TBC1D12: variants seen among roughly 807,000 people sequenced by gnomAD.
TBC1D12 encodes TBC1 domain family, member 12.
Under a neutral mutation model 86.7 loss-of-function variants are expected in TBC1D12, and 56 were observed. The ratio of observed to expected loss-of-function variants is 0.65; its 90% CI spans 0.52 to 0.81. TBC1D12 has a LOEUF of 0.81. Among genes scored for constraint, TBC1D12 ranks in the 30% least tolerant of loss-of-function variants. TBC1D12 has a pLI of 0.00. For missense variants in TBC1D12, 1,023 were observed against 1,038.8 expected (o/e 0.98, Z 0.21); for synonymous variants, 421 against 411.7 (o/e 1.02, Z -0.27).
At chr10:94,532,650 T>C (rs1589684087) in intron 12 of TBC1D12, among the ~76,000 whole-genome samples, 1 of 152,218 alleles carries the variant, frequency 6.6e-6, no homozygotes, top group Admixed American at 6.5e-5. Context: ...TAATGTATGG[T>C]CCTGGCTTTT....
chr10:94,459,940 G>A (rs946901523), intron 2 of TBC1D12, among the ~76,000 whole-genome samples: 3 of 152,174 alleles, frequency 2.0e-5, no homozygotes, highest in African/African-American at 7.2e-5. Context: ...CCAGAGAGGG[G>A]CTCCCACAGT....
chr10:94,475,505 A>G (rs1390643700), intron 3 of TBC1D12, among the ~76,000 whole-genome samples: 2 of 152,208 alleles, frequency 1.3e-5, no homozygotes, highest in Admixed American at 6.5e-5. Context: ...ATCTCAGCTC[A>G]CTACAGCTTC....
intron 3 of TBC1D12, among the ~76,000 whole-genome samples, chr10:94,480,243 T>C (rs1289241668): frequency 6.6e-6 from 1 of 152,168 alleles, no homozygotes; most frequent in African/African-American, 2.4e-5. Context: ...ATAGTATAAA[T>C]TTTTGGTGGT....
At chr10:94,416,184 A>T (rs1365682518) in intron 1 of TBC1D12, among the ~76,000 whole-genome samples, 1 of 152,248 alleles carries the variant, frequency 6.6e-6, no homozygotes, top group Non-Finnish European at 1.5e-5. Flanking sequence ...TCTATCATGC[A>T]TATCATCAGT....
chr10:94,473,342 A>C (rs1265308156), intron 2 of TBC1D12, among the ~76,000 whole-genome samples: 1 of 151,648 alleles, frequency 6.6e-6, no homozygotes, highest in Non-Finnish European at 1.5e-5. Context: ...CCTGGGCAAC[A>C]AGAGCATAAC....
At chr10:94,513,820 T>A (rs2056554485) in intron 9 of TBC1D12, among the ~76,000 whole-genome samples, 4 of 152,246 alleles carry the variant, frequency 2.6e-5, no homozygotes, top group Admixed American at 2.0e-4. Context: ...TGGTCTCCCA[T>A]AGTGCTGGGA....
chr10:94,502,473 G>A (rs953257152), intron 6 of TBC1D12, among the ~76,000 whole-genome samples: 4 of 152,222 alleles, frequency 2.6e-5, no homozygotes, highest in Admixed American at 2.6e-4. Context: ...AGGAGGCTGA[G>A]GCGGATAGGT....
At chr10:94,419,299 G>A (rs1197594058) in intron 1 of TBC1D12, among the ~76,000 whole-genome samples, 2 of 152,026 alleles carry the variant, frequency 1.3e-5, no homozygotes, top group Non-Finnish European at 2.9e-5. Context: ...TAAGTATATA[G>A]GTTATTTAGT....
chr10:94,485,984 CTTAT>C (rs1459565216), intron 3 of TBC1D12, among the ~76,000 whole-genome samples: 1 of 152,004 alleles, frequency 6.6e-6, no homozygotes, highest in East Asian at 1.9e-4. Context: ...TCTGATTTTA[CTTAT>C]TTGAGTCTTC....
chr10:94,456,008 G>T (rs911891699), intron 2 of TBC1D12, among the ~76,000 whole-genome samples: 3 of 151,776 alleles, frequency 2.0e-5, no homozygotes, highest in African/African-American at 4.8e-5. Context: ...AATGTCCTTG[G>T]GCTCTGTAGT....
At chr10:94,484,314 T>C (rs1029812440) in intron 3 of TBC1D12, among the ~76,000 whole-genome samples, 1 of 150,954 alleles carries the variant, frequency 6.6e-6, no homozygotes, top group African/African-American at 2.4e-5. Flanking sequence ...TGGCATGATC[T>C]CCGGCTCACC....
chr10:94,517,746 T>G (rs1219950508), intron 9 of TBC1D12, among the ~76,000 whole-genome samples: 1 of 152,268 alleles, frequency 6.6e-6, no homozygotes, highest in Admixed American at 6.5e-5. Context: ...TTTTTAACTA[T>G]GTTAATGAAT....
At chr10:94,509,337 T>TCCA (rs10651910) in intron 7 of TBC1D12, 1 of 151,924 alleles carries the variant, frequency 6.6e-6, no homozygotes, top group African/African-American at 2.4e-5. Flanking sequence ...CCTCAGGTGA[T>TCCA]CCATCTTGGC....
At chr10:94,437,964 G>GT (rs1306477139) in intron 1 of TBC1D12, among the ~76,000 whole-genome samples, 3 of 100,602 alleles carry the variant, frequency 3.0e-5, no homozygotes, top group East Asian at 2.9e-4. Context: ...TTGTCCATGG[G>GT]TTTTTTTCTT....
At chr10:94,417,076 TG>T (rs2055009106) in intron 1 of TBC1D12, among the ~76,000 whole-genome samples, 1 of 152,134 alleles carries the variant, frequency 6.6e-6, no homozygotes, top group Admixed American at 6.6e-5. Flanking sequence ...GGAACATTTG[TG>T]GGTTTTTTAA....
At chr10:94,489,504 G>A (rs2056217745) in intron 3 of TBC1D12, among the ~76,000 whole-genome samples, 1 of 152,332 alleles carries the variant, frequency 6.6e-6, no homozygotes, top group African/African-American at 2.4e-5. Flanking sequence ...TGGTTCTCAT[G>A]AAGGTGCTTA....
At chr10:94,507,854 C>T (rs1304233565) in intron 7 of TBC1D12, among the ~76,000 whole-genome samples, 1 of 152,000 alleles carries the variant, frequency 6.6e-6, no homozygotes, top group Non-Finnish European at 1.5e-5. Context: ...GGCGTGGTGG[C>T]AGGTGCATGC....
intron 1 of TBC1D12, among the ~76,000 whole-genome samples, chr10:94,410,836 A>G (rs556055): frequency 0.46 from 69,440 of 151,908 alleles, 16,216 homozygotes; most frequent in East Asian, 0.79. Flanking sequence ...GTTACCTTGG[A>G]CAAATCACTA....
intron 3 of TBC1D12, among the ~76,000 whole-genome samples, chr10:94,479,519 A>G (rs1185407887): frequency 6.6e-6 from 1 of 152,152 alleles, no homozygotes; most frequent in African/African-American, 2.4e-5. Flanking sequence ...CAGAGAGGCA[A>G]GCAGAATAGC....
Sources: gnomAD v4.1 joint callset for allele counts (sites outside exome capture counted in the v4.1 genomes callset) on GRCh38, gnomAD v4.1.1 for gene constraint, MANE v1.5 for transcripts, NCBI Gene and HGNC (gene_info 2026-07-23, HGNC 2026-07-21) for gene names.